The following MYO1F variants were observed in gnomAD, a reference collection of about 807,000 sequenced individuals.
MYO1F encodes the protein unconventional myosin-If.
In MYO1F, 60 loss-of-function variants were observed where a neutral mutation model predicts 146.6. The ratio of observed to expected loss-of-function variants is 0.41; its 90% CI spans 0.33 to 0.51. MYO1F has a LOEUF of 0.51. Ranked by LOEUF, MYO1F falls within the 20% of genes least tolerant of loss-of-function variation. MYO1F has a pLI of 0.25. For missense variants in MYO1F, 1,274 were observed against 1,534.3 expected (o/e 0.83, Z 2.83); for synonymous variants, 602 against 602.1 (o/e 1.00, Z 0.00).
chr19:8,523,246 G>T (rs994780098), intron 25 of MYO1F, among the ~76,000 whole-genome samples: 2 of 152,070 alleles, frequency 1.3e-5, no homozygotes, highest in Non-Finnish European at 2.9e-5. Flanking sequence ...TGTTAGCCAG[G>T]ATGGTCTCGA....
intron 1 of MYO1F, among the ~76,000 whole-genome samples, chr19:8,570,854 C>A (rs2042095045): frequency 6.6e-6 from 1 of 152,064 alleles, no homozygotes; most frequent in Non-Finnish European, 1.5e-5. Flanking sequence ...GAGTCAAAAT[C>A]CTCTTTCATT....
chr19:8,523,070 C>G (rs1381231958), intron 25 of MYO1F, among the ~76,000 whole-genome samples: 4 of 150,490 alleles, frequency 2.7e-5, no homozygotes, highest in Admixed American at 1.3e-4. Flanking sequence ...CTTGCTCAGT[C>G]GCTCAGGCTG....
At chr19:8,555,528 C>T (rs1404397741) in intron 2 of MYO1F, 131 bp downstream of exon 2, 2 of 1,275,316 alleles carry the variant, frequency 1.6e-6, no homozygotes, top group Non-Finnish European at 2.2e-6. Context: ...GTCACTCTGT[C>T]TGTCCTCTGT....
intron 1 of MYO1F, among the ~76,000 whole-genome samples, chr19:8,570,931 G>T (rs1362952258): frequency 6.6e-6 from 1 of 152,132 alleles, no homozygotes; most frequent in Non-Finnish European, 1.5e-5. Flanking sequence ...GAACATCGAG[G>T]GGTGCAAATC....
rs557457704 is a variant in MYO1F, at chr19:8,539,425, C to A, written c.1692+522G>T. 5.3e-5 allele frequency among the ~76,000 whole-genome samples: 8 copies of A among 149,744 alleles called. No individual in the cohort carries two copies. The East Asian group carries it at 1.2e-3, about 22-fold the overall frequency. Reference sequence around the variant, plus strand: ...GTGAAACTCCATCTCAAAAAAAAAACCAAACCAACAAAAAAACAAAATTAG... The same window carrying A: ...GTGAAACTCCATCTCAAAAAAAAAAACAAACCAACAAAAAAACAAAATTAG... On this transcript the variant is annotated intron_variant, in intron 16 of 27. Transcript: ENST00000644032.
intron 12 of MYO1F, among the ~76,000 whole-genome samples, chr19:8,546,674 CTT>C (rs1016126717): frequency 6.6e-6 from 1 of 151,648 alleles, no homozygotes; most frequent in Non-Finnish European, 1.5e-5. Context: ...CTGTCTCTCT[CTT>C]TTTTTCTTTT....
chr19:8,541,188 A>C (rs1972947685), intron 15 of MYO1F, among the ~76,000 whole-genome samples: 1 of 151,938 alleles, frequency 6.6e-6, no homozygotes, highest in Non-Finnish European at 1.5e-5. Context: ...CAGAGTAGAC[A>C]AGCATTTAAA....
chr19:8,561,016 T>C (rs1245894645), intron 1 of MYO1F, among the ~76,000 whole-genome samples: 5 of 150,468 alleles, frequency 3.3e-5, no homozygotes, highest in South Asian at 4.2e-4. Context: ...GGATTATAGG[T>C]GTGAGCCACT....
Position 8,536,546 on chromosome 19 carries a change from G to A in MYO1F, c.1851C>T (p.Arg617=), listed in dbSNP as rs199981303. Reference sequence around the variant, plus strand: ...GGCGGCGGTAGGCGAAGCCGGCTCTGCGCACCCTGATGTTCTCCTTCAGGC... The same window carrying A: ...GGCGGCGGTAGGCGAAGCCGGCTCTACGCACCCTGATGTTCTCCTTCAGGC... ...YLGLKENIRV[R]RAGFAYRRQF... is the part of the protein sequence containing the mutation. Residue 617 remains arginine (R), a synonymous_variant, in exon 18 of 28, where the codon CGC becomes CGT. Coordinates refer to ENST00000644032, the MANE Select transcript of MYO1F (RefSeq NM_012335.4). 4,666 of 1,612,224 alleles carry A rather than the reference G, an allele frequency of 2.9e-3. 13 individuals carry two copies. The highest frequency in any genetic ancestry group is 3.6e-3 in the Non-Finnish European group (4,268 of 1,179,676).
At chr19:8,524,130 A>AAG (rs1555718136) in intron 25 of MYO1F, among the ~76,000 whole-genome samples, 2 of 124,724 alleles carry the variant, frequency 1.6e-5, no homozygotes, top group Non-Finnish European at 3.4e-5. Flanking sequence ...AAAAAAAAAA[A>AAG]AAAAAAAAGG....
intron 21 of MYO1F, among the ~76,000 whole-genome samples, chr19:8,528,283 C>G (rs2145832302): frequency 6.6e-6 from 1 of 151,538 alleles, no homozygotes; most frequent in East Asian, 2.0e-4. Flanking sequence ...AATCCCAGCA[C>G]TTTGGGAGGC....
At chr19:8,555,545 A>G (rs1973812644) in intron 2 of MYO1F, 114 bp downstream of exon 2, 6 of 1,452,164 alleles carry the variant, frequency 4.1e-6, no homozygotes, top group Admixed American at 3.5e-5. Flanking sequence ...CTGTGTCACC[A>G]CTTGGTGCTC....
intron 10 of MYO1F, 152 bp from the exon 11 acceptor site, chr19:8,548,469 G>C: frequency 1.4e-6 from 1 of 727,176 alleles, no homozygotes; most frequent in Non-Finnish European, 2.4e-6. Flanking sequence ...GCCCTTCCTG[G>C]CTCTGTGTAC....
intron 4 of MYO1F, among the ~76,000 whole-genome samples, chr19:8,553,659 G>A (rs944493520): frequency 6.6e-6 from 1 of 151,974 alleles, no homozygotes; most frequent in Non-Finnish European, 1.5e-5. Context: ...GATCACTTGA[G>A]GTCAAAAGTT....
chr19:8,532,903 T>TATATATATATAC (rs1972545379), intron 19 of MYO1F, among the ~76,000 whole-genome samples: 4 of 113,164 alleles, frequency 3.5e-5, no homozygotes, highest in African/African-American at 6.7e-5. Context: ...AAAAAAAAAA[T>TATATATATATAC]ACACACACAC....
chr19:8,552,995 T>A (rs1234780275), intron 6 of MYO1F, 144 bp downstream of exon 6: 4 of 793,432 alleles, frequency 5.0e-6, no homozygotes, highest in Non-Finnish European at 8.8e-6. Context: ...AGGAAGTGAG[T>A]CTCCCCTTCA....
chr19:8,536,467 G>T lies in MYO1F; in HGVS notation c.1898+32C>A, dbSNP rs75948259. ...CCTGGCTGGGCGTTCTGATGAAGGG[G>T]ATGGCGAGGGCGGGGGTGGAGGGCT... On this transcript the variant is annotated intron_variant, in intron 18 of 27. Coordinates refer to ENST00000644032, the MANE Select transcript of MYO1F (RefSeq NM_012335.4). 3,748 of 1,610,300 alleles carry T rather than the reference G, an allele frequency of 2.3e-3. 115 individuals carry two copies. The East Asian group carries it at 0.068, about 29-fold the overall frequency.
At chr19:8,566,209 C>T (rs1385615171) in intron 1 of MYO1F, among the ~76,000 whole-genome samples, 1 of 145,712 alleles carries the variant, frequency 6.9e-6, no homozygotes, top group Non-Finnish European at 1.5e-5. Flanking sequence ...GCTTTCTCGC[C>T]CAGGCTGGAG....
intron 19 of MYO1F, among the ~76,000 whole-genome samples, chr19:8,535,196 G>A (rs1248244950): frequency 6.6e-6 from 1 of 152,170 alleles, no homozygotes; most frequent in Non-Finnish European, 1.5e-5. Context: ...ACAGGTGTGA[G>A]CCAGTGCGCC....
Sources: gnomAD v4.1 joint callset for allele counts (sites outside exome capture counted in the v4.1 genomes callset) on GRCh38, gnomAD v4.1.1 for gene constraint, MANE v1.5 for transcripts, NCBI Gene and HGNC (gene_info 2026-07-23, HGNC 2026-07-21) for gene names.